FEZ2: variants seen among roughly 807,000 people sequenced by gnomAD.
The protein encoded by FEZ2 is fasciculation and elongation protein zeta 2, also known as fasciculation and elongation protein zeta-2.
FEZ2 carries 51 observed loss-of-function variants against 40.4 expected under a neutral mutation model. That is an observed-to-expected ratio of 1.26 (90% CI 1.01 to 1.59). The LOEUF is 1.59. Ranked by LOEUF, FEZ2 falls within the 40% of genes most tolerant of loss-of-function variation. The pLI is 0.00. For missense variants in FEZ2, 640 were observed against 438.3 expected, an observed-to-expected ratio of 1.46 and a Z score of -4.11; for synonymous variants, 242 against 172.0, an observed-to-expected ratio of 1.41 and a Z score of -3.18.
At chr2:36,586,019 T>C (rs1360103207) in intron 2 of FEZ2, among the ~76,000 whole-genome samples, 1 of 152,260 alleles carries the variant, frequency 6.6e-6, no homozygotes, top group African/African-American at 2.4e-5. Context: ...TTAAGTCCTA[T>C]AGTTCTAATT....
In FEZ2 at chr2:36,597,866, C is replaced by G; in HGVS notation, c.266+11G>C. On this transcript the variant is annotated intron_variant, in intron 1 of 7. Transcript: ENST00000405912. The stretch of plus-strand genomic sequence containing the variant: ...GCTCCCGCCCACTCCCGGCCGGGGC[C>G]CCGCACTCACTCGTCCCCCTGCAGG... 1 of 1,354,550 alleles carries G rather than the reference C, an allele frequency of 7.4e-7. No homozygotes were observed. Among genetic ancestry groups the G allele is most frequent in the South Asian group, 1.7e-5 (1 of 58,230 alleles). 83.9% of individuals were successfully genotyped at this position (1,354,550 alleles called of 1,614,324 possible). A position where few individuals can be genotyped will look rare whatever the true frequency, so the allele number is the denominator to read the frequency against.
At chr2:36,575,246 G>T (rs1005762664) in intron 5 of FEZ2, among the ~76,000 whole-genome samples, 3 of 152,174 alleles carry the variant, frequency 2.0e-5, no homozygotes, top group Non-Finnish European at 4.4e-5. Flanking sequence ...GTGGAGTGGT[G>T]TGACCATGGC....
intron 5 of FEZ2, among the ~76,000 whole-genome samples, chr2:36,568,340 A>C (rs1668306644): frequency 6.6e-6 from 1 of 152,242 alleles, no homozygotes; most frequent in Non-Finnish European, 1.5e-5. Flanking sequence ...AAGATTTGTT[A>C]CTAAATAAAT....
intron 1 of FEZ2, among the ~76,000 whole-genome samples, chr2:36,592,365 C>G (rs537026617): frequency 2.7e-4 from 41 of 152,172 alleles, no homozygotes; most frequent in South Asian, 6.2e-4. Context: ...CTGCACCTAT[C>G]AACCCATCAC....
At chr2:36,565,567 C>T (rs1020118487) in intron 5 of FEZ2, among the ~76,000 whole-genome samples, 1 of 152,156 alleles carries the variant, frequency 6.6e-6, no homozygotes, top group African/African-American at 2.4e-5. Flanking sequence ...GCTGTCTGTG[C>T]CTGTTCCCTC....
intron 2 of FEZ2, chr2:36,589,965 C>T (rs1481367623): frequency 6.6e-6 from 1 of 152,146 alleles, no homozygotes; most frequent in Non-Finnish European, 1.5e-5. Flanking sequence ...ACAGCCAGGC[C>T]CTGAAACTTA....
At chr2:36,557,453 A>T (rs1330811324) in intron 6 of FEZ2, 2 of 152,152 alleles carry the variant, frequency 1.3e-5, no homozygotes, top group African/African-American at 4.8e-5. Context: ...ACTTGCTTCT[A>T]CTCTTAGGTT....
At position 36,565,696 on chromosome 2, in the gene FEZ2, A is replaced by G. The variant is rs1290011296; in HGVS notation, c.904-7183T>C. ...AACAGAGCCAGGCTCAGAAAACACT[A>G]AAAACGTGGTAGTTGTTTTGAATAT... On this transcript the variant is annotated intron_variant, in intron 5 of 7. Transcript: ENST00000405912. Among the ~76,000 whole-genome samples, 5 of 152,256 alleles carry G rather than the reference A, an allele frequency of 3.3e-5. No homozygotes were observed. The East Asian group carries it at 9.6e-4, about 29-fold the overall frequency.
At chr2:36,567,073 A>G (rs7574305) in intron 5 of FEZ2, among the ~76,000 whole-genome samples, 1,676 of 152,298 alleles carry the variant, frequency 0.011, 28 homozygotes, top group African/African-American at 0.037. Context: ...AAATGACTAC[A>G]TTCTGAAGGG....
At chr2:36,597,407 A>C (rs1179638578) in intron 1 of FEZ2, among the ~76,000 whole-genome samples, 29 of 152,172 alleles carry the variant, frequency 1.9e-4, no homozygotes, top group Non-Finnish European at 2.9e-5. Context: ...GTATTTGTTT[A>C]CAAATCTATC....
At chr2:36,565,653 T>C (rs771747190) in intron 5 of FEZ2, among the ~76,000 whole-genome samples, 4 of 152,180 alleles carry the variant, frequency 2.6e-5, no homozygotes, top group Non-Finnish European at 5.9e-5. Context: ...TAGTAATATA[T>C]GTCCACCTTG....
intron 1 of FEZ2, among the ~76,000 whole-genome samples, chr2:36,593,228 T>C (rs1669121256): frequency 6.6e-6 from 1 of 152,118 alleles, no homozygotes; most frequent in South Asian, 2.1e-4. Context: ...ACTTCTTACA[T>C]GGTGGCAGCA....
intron 2 of FEZ2, among the ~76,000 whole-genome samples, chr2:36,584,650 G>A (rs1483500650): frequency 6.6e-6 from 1 of 152,178 alleles, no homozygotes; most frequent in Non-Finnish European, 1.5e-5. Context: ...AAGCCACCAT[G>A]TCATTCTATT....
chr2:36,589,607 G>C (rs560710851), intron 2 of FEZ2: 1 of 152,224 alleles, frequency 6.6e-6, no homozygotes, highest in Non-Finnish European at 1.5e-5. Flanking sequence ...AAGTAAACAA[G>C]ACAGAGCAAA....
intron 4 of FEZ2, among the ~76,000 whole-genome samples, chr2:36,579,641 C>T (rs186600828): frequency 6.6e-6 from 1 of 152,162 alleles, no homozygotes; most frequent in Non-Finnish European, 1.5e-5. Flanking sequence ...GAGGCCCCCC[C>T]AGAAGCAGAT....
intron 2 of FEZ2, chr2:36,590,358 T>G (rs891227011): frequency 8.9e-6 from 1 of 111,766 alleles, no homozygotes; most frequent in Admixed American, 9.7e-5. Context: ...AGGGTTTCAG[T>G]GCACCAAATT....
intron 6 of FEZ2, 153 bp from the exon 7 acceptor site, chr2:36,555,901 A>C: frequency 1.5e-6 from 1 of 672,748 alleles, no homozygotes; most frequent in Non-Finnish European, 2.7e-6. Flanking sequence ...AGGGGATACA[A>C]CAATAAAGGC....
chr2:36,592,882 G>A (rs562353683), intron 1 of FEZ2, among the ~76,000 whole-genome samples: 138 of 152,200 alleles, frequency 9.1e-4, no homozygotes, highest in South Asian at 3.1e-3. Flanking sequence ...AAAATCTCTA[G>A]AGAACTAACT....
chr2:36,593,247 G>C (rs2372604), intron 1 of FEZ2, among the ~76,000 whole-genome samples: 2 of 151,870 alleles, frequency 1.3e-5, no homozygotes, highest in African/African-American at 4.8e-5. Flanking sequence ...CAAGAGAAAA[G>C]GAGGAAGATG....
Sources: allele counts gnomAD v4.1 joint callset (sites outside exome capture counted in the v4.1 genomes callset), GRCh38; gene constraint gnomAD v4.1.1; transcripts MANE v1.5; gene names NCBI Gene and HGNC (gene_info 2026-07-23, HGNC 2026-07-21).